Variants in EBI3 observed in about 807,000 individuals in gnomAD.
EBI3 encodes the protein Epstein-Barr virus induced 3.
In EBI3, 19 loss-of-function variants were observed where a neutral mutation model predicts 21.3. The ratio of observed to expected loss-of-function variants is 0.89; its 90% CI spans 0.62 to 1.31. EBI3 has a LOEUF of 1.31. EBI3 is among the 50% of genes most tolerant of loss of function. The pLI, the probability that EBI3 is intolerant of heterozygous loss-of-function variation, is 0.00. For synonymous variants in EBI3, 154 were observed against 131.2 expected, an observed-to-expected ratio of 1.17 and a Z score of -1.19; for missense variants, 331 against 314.0, an observed-to-expected ratio of 1.05 and a Z score of -0.41.
intron 2 of EBI3, among the ~76,000 whole-genome samples, chr19:4,232,723 T>C (rs1390195552): frequency 6.6e-6 from 1 of 151,160 alleles, no homozygotes; most frequent in Admixed American, 6.6e-5. Flanking sequence ...GACCCTGTCA[T>C]GAATGAATGA....
chr19:4,231,135 AGG>A lies in EBI3; in HGVS notation c.68-54_68-53del, dbSNP rs1171046372. On this transcript the variant is annotated intron_variant, in intron 1 of 4. Transcript: ENST00000221847. ...ACGTGGCAGGAGCCCAGCGCACGGGAGGGCTATGACAATCTGGGGGTAAACCA... is the reference window on the plus strand; with the variant it reads ...ACGTGGCAGGAGCCCAGCGCACGGGAGCTATGACAATCTGGGGGTAAACCA... The A allele has an allele frequency of 2.0e-6, 3 of 1,493,846 alleles. No homozygotes were observed. The African/African-American group carries it at 4.3e-5, about 21-fold the overall frequency. The allele number at this position is 1,493,846 out of a possible 1,614,324, so 92.5% of individuals were successfully genotyped here.
At position 4,229,597 on chromosome 19, in the gene EBI3, C is replaced by G. The variant is rs536332715; in HGVS notation, c.47C>G (p.Pro16Arg). ...LLALVLWASC[P>R]PCSGRKGPPA... ...GCCCTTGTCCTCTGGGCCAGCTGCC[C>G]GCCCTGCAGTGGAAGGAAAGGTATG... The change falls in exon 1 of 5, where the codon CCG (proline) becomes CGG (arginine). Residue 16 changes from proline to arginine, a missense_variant. Physicochemically the swap from Pro to Arg is moderately radical, Grantham distance 103 (BLOSUM62 -2). Transcript: ENST00000221847. 1.2e-6 allele frequency: 2 copies of G among 1,609,614 alleles called. No individual in the cohort carries two copies. The highest frequency in any genetic ancestry group is 1.7e-5 in the Admixed American group (1 of 59,370).
intron 2 of EBI3, among the ~76,000 whole-genome samples, chr19:4,232,544 C>CG (rs1291965212): frequency 8.6e-6 from 1 of 115,818 alleles, no homozygotes; most frequent in Non-Finnish European, 1.7e-5. Context: ...ATACTGAGAC[C>CG]CCCCCCCATC....
Position 4,237,101 on chromosome 19 carries a change from G to A in EBI3, c.*13G>A, listed in dbSNP as rs992589502. 2 of 1,494,882 alleles carry A rather than the reference G, an allele frequency of 1.3e-6. No individual in the cohort carries two copies. The highest frequency in any genetic ancestry group is 2.7e-5 in the South Asian group (2 of 75,444). The allele number at this position is 1,494,882 out of a possible 1,614,324, so 92.6% of individuals were successfully genotyped here. A position where few individuals can be genotyped will look rare whatever the true frequency, so the allele number is the denominator to read the frequency against. ...CCTGGGCAAGTAGCAAGGGCTTCCC[G>A]CTGCCTCCAGACAGCACCTGGGTCC... On this transcript the variant is annotated 3_prime_UTR_variant, in exon 5 of 5. Coordinates refer to ENST00000221847, the MANE Select transcript of EBI3 (RefSeq NM_005755.3).
rs1352064173 is a variant in EBI3 at position 4,237,034 on chromosome 19, G to A, written c.636G>A (p.Gly212=). 8 of 1,574,694 alleles carry A rather than the reference G, an allele frequency of 5.1e-6. No homozygotes were observed. Among genetic ancestry groups the A allele is most frequent in the Non-Finnish European group, 6.9e-6 (8 of 1,157,586 alleles). Residue 212 remains glycine (G), a synonymous_variant, in exon 5 of 5, where the codon GGG becomes GGA. Transcript: ENST00000221847. Reference sequence around the variant, plus strand: ...CGGCTCAGGACCTCACAGACTACGGGGAACTGAGTGACTGGAGTCTCCCCG... The same window carrying A: ...CGGCTCAGGACCTCACAGACTACGGAGAACTGAGTGACTGGAGTCTCCCCG... The part of the protein sequence containing the change: ...QVAAQDLTDY[G]ELSDWSLPAT...
intron 1 of EBI3, 27 bp downstream of exon 1, chr19:4,229,644 GGGCC>G (rs1970764764): frequency 6.3e-7 from 1 of 1,587,596 alleles, no homozygotes; most frequent in East Asian, 2.3e-5. Context: ...GGGGACTGGG[GGGCC>G]CAGGCAGACG....
intron 4 of EBI3, among the ~76,000 whole-genome samples, chr19:4,235,859 T>A (rs754421339): frequency 6.6e-6 from 1 of 152,118 alleles, no homozygotes; most frequent in African/African-American, 2.4e-5. Context: ...CCTGGAAGAT[T>A]GAGGCTGCAG....
Position 4,232,752 on chromosome 19 carries a change from TAATGAATGAATGAAGGAATGAATTAATG to T in EBI3, c.201-366_201-339del, listed in dbSNP as rs1450003438. 2.4e-4 allele frequency among the ~76,000 whole-genome samples: 8 copies of T among 33,784 alleles called. No individual in the cohort carries two copies. The African/African-American group carries it at 3.7e-3, about 16-fold the overall frequency. The allele number at this position is 33,784 out of a possible 152,430, so 22.2% of individuals were successfully genotyped here. On this transcript the variant is annotated intron_variant, in intron 2 of 4. Coordinates refer to ENST00000221847, the MANE Select transcript of EBI3 (RefSeq NM_005755.3). ...TGAATGAATGAATGAAGGGATGAAT[TAATGAATGAATGAAGGAATGAATTAATG>T]AATGAATGAAGGAATGAATTAATGA...
intron 2 of EBI3, among the ~76,000 whole-genome samples, chr19:4,232,551 C>CCA (rs36119217): frequency 1.3e-5 from 2 of 150,588 alleles, no homozygotes; most frequent in South Asian, 2.1e-4. Context: ...GACCCCCCCC[C>CCA]ATCTGTAGAA....
chr19:4,229,769 G>A (rs1970766150), intron 1 of EBI3, 152 bp downstream of exon 1: 1 of 800,582 alleles, frequency 1.2e-6, no homozygotes, highest in Admixed American at 2.9e-5. Flanking sequence ...GAGGAACTGA[G>A]GCACAGAGAG....
intron 1 of EBI3, among the ~76,000 whole-genome samples, chr19:4,230,443 G>C (rs897943671): frequency 6.6e-6 from 1 of 151,966 alleles, no homozygotes; most frequent in East Asian, 1.9e-4. Flanking sequence ...GTGGTGGCAC[G>C]TGCCTGTAGT....
At chr19:4,231,150 T>C in intron 1 of EBI3, 41 bp from the exon 2 acceptor site, 1 of 1,523,954 alleles carries the variant, frequency 6.6e-7, no homozygotes, top group Non-Finnish European at 8.8e-7. Context: ...TATGACAATC[T>C]GGGGGTAAAC....
At chr19:4,231,110 A>T in intron 1 of EBI3, 81 bp from the exon 2 acceptor site, 4 of 1,456,416 alleles carry the variant, frequency 2.7e-6, no homozygotes, top group Non-Finnish European at 3.6e-6. Flanking sequence ...CTGGCTGGCA[A>T]CGTGGCAGGA....
At position 4,232,270 on chromosome 19, in the gene EBI3, A is replaced by G. The variant is rs1207185918; in HGVS notation, c.201-859A>G. On this transcript the variant is annotated intron_variant, in intron 2 of 4. Coordinates refer to ENST00000221847, the MANE Select transcript of EBI3 (RefSeq NM_005755.3). ...AGAAAAGAAAAGAAAAGAAAAGAAA[A>G]GAAAAAATTTCGAAAAAGAAAAAAA... Among the ~76,000 whole-genome samples the G allele has an allele frequency of 2.7e-5, 4 of 147,410 alleles. No homozygotes were observed. The East Asian group carries it at 7.9e-4, about 29-fold the overall frequency.
rs776262776 is a variant in EBI3 at position 4,231,770 on chromosome 19, C to CAAA, written c.200+463_200+465dup. On this transcript the variant is annotated intron_variant, in intron 2 of 4. Transcript: ENST00000221847. ...TGGGCAACAGAGCAAGACTCCATCT[C>CAAA]AAAAAAAAAAAAAAAAAACTACTTC... 9.4e-4 allele frequency among the ~76,000 whole-genome samples: 97 copies of CAAA among 102,900 alleles called. 3 individuals are homozygous for CAAA. Among genetic ancestry groups the CAAA allele is most frequent in the African/African-American group, 3.7e-3 (89 of 24,010 alleles). The allele number at this position is 102,900 out of a possible 152,430, so 67.5% of individuals were successfully genotyped here.
rs1341374621 is a variant in EBI3 at position 4,232,245 on chromosome 19, AGAAAAG to A, written c.201-883_201-878del. On this transcript the variant is annotated intron_variant, in intron 2 of 4. Coordinates refer to ENST00000221847, the MANE Select transcript of EBI3 (RefSeq NM_005755.3). ...CTCAAAAAAAAAAAAAAAAAAAAAA[AGAAAAG>A]AAAAGAAAAGAAAAGAAAAGAAAAA... 1.9e-3 allele frequency among the ~76,000 whole-genome samples: 144 copies of A among 76,232 alleles called. 1 individual carries two copies. The highest frequency in any genetic ancestry group is 5.6e-3 in the African/African-American group (96 of 17,252). 50.0% of individuals were successfully genotyped at this position (76,232 alleles called of 152,430 possible). A position where few individuals can be genotyped will look rare whatever the true frequency, so the allele number is the denominator to read the frequency against.
rs146349115 is a variant in EBI3, at chr19:4,232,555, T to C, written c.201-574T>C. Among the ~76,000 whole-genome samples the C allele has an allele frequency of 1.2e-3, 183 of 146,564 alleles. 1 individual carries two copies. The highest frequency in any genetic ancestry group is 2.2e-3 in the Admixed American group (33 of 14,692). Reference sequence around the variant, plus strand: ...CAACATACTGAGACCCCCCCCCATCTGTAGAAAAAAAATTTAAAATTAGCC... The same window carrying C: ...CAACATACTGAGACCCCCCCCCATCCGTAGAAAAAAAATTTAAAATTAGCC... On this transcript the variant is annotated intron_variant, in intron 2 of 4. Coordinates refer to ENST00000221847, the MANE Select transcript of EBI3 (RefSeq NM_005755.3).
intron 3 of EBI3, among the ~76,000 whole-genome samples, chr19:4,233,790 G>A (rs1222932306): frequency 2.6e-5 from 4 of 152,136 alleles, no homozygotes; most frequent in African/African-American, 2.4e-5. Flanking sequence ...TTGCATGGGC[G>A]GTGCCCTCTA....
At position 4,229,610 on chromosome 19, in the gene EBI3, A is replaced by T; in HGVS notation, c.60A>T (p.Gly20=). 1 of 1,607,906 alleles carries T rather than the reference A, an allele frequency of 6.2e-7. No individual in the cohort carries two copies. The highest frequency in any genetic ancestry group is 1.7e-5 in the Admixed American group (1 of 59,128). Residue 20 remains glycine (G), a synonymous_variant, in exon 1 of 5, where the codon GGA becomes GGT. Transcript: ENST00000221847. The part of the protein sequence containing the change: ...VLWASCPPCS[G]RKGPPAALTL... ...GGGCCAGCTGCCCGCCCTGCAGTGGAAGGAAAGGTATGTGGGGCCCCTGGG... is the reference window on the plus strand; with the variant it reads ...GGGCCAGCTGCCCGCCCTGCAGTGGTAGGAAAGGTATGTGGGGCCCCTGGG...
Sources: gnomAD v4.1 joint callset for allele counts (sites outside exome capture counted in the v4.1 genomes callset) on GRCh38, gnomAD v4.1.1 for gene constraint, MANE v1.5 for transcripts, NCBI Gene and HGNC (gene_info 2026-07-23, HGNC 2026-07-21) for gene names.